Variants in CRTAC1 observed in about 807,000 individuals in gnomAD.
CRTAC1 encodes the protein cartilage acidic protein 1.
Under a neutral mutation model 67.8 loss-of-function variants are expected in CRTAC1, and 37 were observed. The observed-to-expected ratio is 0.55, with a 90% CI of 0.42 to 0.72. The LOEUF (loss-of-function observed/expected upper bound fraction) is 0.72, where lower values mean the gene tolerates loss of function less well. Among genes scored for constraint, CRTAC1 ranks in the 30% least tolerant of loss-of-function variants. The probability of loss-of-function intolerance (pLI) is 0.00; values close to 1 mark genes in which losing one functional copy is unlikely to be tolerated. For synonymous variants in CRTAC1, 348 were observed against 371.0 expected (o/e 0.94, Z 0.71); for missense variants, 780 against 931.6 (o/e 0.84, Z 2.12).
At chr10:98,005,100 A>ATATATATATTTTTTTTTTTTTTTTTTTTT in intron 2 of CRTAC1, among the ~76,000 whole-genome samples, 1 of 48,926 alleles carries the variant, frequency 2.0e-5, no homozygotes, top group African/African-American at 1.2e-4. Context: ...ATATATATAT[A>ATATATATATTTTTTTTTTTTTTTTTTTTT]TTTTTTTTTT....
In CRTAC1 at chr10:97,895,113, C is replaced by A. The variant is rs1564882371; in HGVS notation, c.1486+132G>T. On this transcript the variant is annotated intron_variant, in intron 11 of 14. Coordinates refer to ENST00000370597, the MANE Select transcript of CRTAC1 (RefSeq NM_018058.7). The surrounding 1 kb of genome is among the most constrained non-coding windows in gnomAD (Gnocchi z 4.2). ...AGGCTCATCTCAGAGTAGGGTTTGT[C>A]CCCAGTAGCTGGTGTCCACCATGGC... 11 of 862,796 alleles carry A rather than the reference C, an allele frequency of 1.3e-5. No individual in the cohort carries two copies. The highest frequency in any genetic ancestry group is 1.4e-5 in the Non-Finnish European group (8 of 570,552). The allele number at this position is 862,796 out of a possible 1,614,324, so 53.4% of individuals were successfully genotyped here.
intron 11 of CRTAC1, among the ~76,000 whole-genome samples, chr10:97,885,565 C>T (rs1283997352): frequency 2.6e-5 from 4 of 152,214 alleles, no homozygotes; most frequent in Non-Finnish European, 5.9e-5. Flanking sequence ...TAGGCACTGT[C>T]AAAGCAGGCC....
chr10:97,981,829 A>T (rs1205656881), intron 2 of CRTAC1, among the ~76,000 whole-genome samples: 3 of 152,248 alleles, frequency 2.0e-5, no homozygotes, highest in African/African-American at 7.2e-5. Context: ...TTTTGTTAAT[A>T]AAAACAAGAG....
rs200557763 is a variant in CRTAC1 at position 97,901,504 on chromosome 10, G to A, written c.1132C>T (p.Arg378Cys). 274 of 1,614,098 alleles carry A rather than the reference G, an allele frequency of 1.7e-4. No homozygotes were observed. In the East Asian group the frequency reaches 3.1e-3, roughly 18 times the overall value. The change falls in exon 8 of 15, where the codon CGC (arginine) becomes TGC (cysteine). Residue 378 changes from arginine (R) to cysteine (C), a missense_variant and splice_region_variant. Coordinates refer to ENST00000370597, the MANE Select transcript of CRTAC1 (RefSeq NM_018058.7). Reference protein sequence around the residue: ...YRSSSANRLFRVIRREHGDPL... With the variant: ...YRSSSANRLFCVIRREHGDPL... ...CACGAGCCAGGATGGAGCATCTACC[G>A]GAAGAGGCGGTTGGCTGAGGAGCTG...
intron 2 of CRTAC1, among the ~76,000 whole-genome samples, chr10:97,940,638 G>A (rs565649007): frequency 1.3e-5 from 2 of 152,352 alleles, no homozygotes; most frequent in East Asian, 3.9e-4. Flanking sequence ...GCAGGGGCCT[G>A]GGGTTTGCCG....
intron 2 of CRTAC1, among the ~76,000 whole-genome samples, chr10:97,969,655 G>A (rs1260159994): frequency 2.6e-5 from 4 of 152,284 alleles, no homozygotes; most frequent in Non-Finnish European, 5.9e-5. Flanking sequence ...CAGGAGTGAT[G>A]AGATAGACCA....
chr10:97,876,165 TGAA>T (rs1337932547), intron 14 of CRTAC1, among the ~76,000 whole-genome samples: 1 of 152,132 alleles, frequency 6.6e-6, no homozygotes, highest in Non-Finnish European at 1.5e-5. Flanking sequence ...CCATCCCAAA[TGAA>T]GAAGGGAGTG....
intron 2 of CRTAC1, among the ~76,000 whole-genome samples, chr10:98,002,507 G>C (rs750074894): frequency 9.9e-5 from 15 of 152,078 alleles, no homozygotes; most frequent in Non-Finnish European, 1.8e-4. Flanking sequence ...GTGATTCCCA[G>C]CTGGAAGTGC....
At chr10:97,900,326 C>A (rs528946457) in intron 8 of CRTAC1, among the ~76,000 whole-genome samples, 15 of 152,308 alleles carry the variant, frequency 9.8e-5, no homozygotes, top group African/African-American at 3.1e-4. Context: ...GGAAGAAGTG[C>A]CCTGTGATCT....
At chr10:97,887,227 G>GTTTTTTTTTTTTTTTTTTTT (rs71007369) in intron 11 of CRTAC1, among the ~76,000 whole-genome samples, 2 of 127,960 alleles carry the variant, frequency 1.6e-5, no homozygotes, top group Non-Finnish European at 1.6e-5. Flanking sequence ...CGGCACTTAG[G>GTTTTTTTTTTTTTTTTTTTT]TTTTTTTTTT....
intron 2 of CRTAC1, among the ~76,000 whole-genome samples, chr10:97,997,689 T>C (rs898651645): frequency 7.2e-5 from 11 of 152,228 alleles, no homozygotes; most frequent in African/African-American, 2.6e-4. Flanking sequence ...GGATAAGCAG[T>C]AAGACATTAT....
At position 98,023,959 on chromosome 10, in the gene CRTAC1, C is replaced by G. The variant is rs370017169; in HGVS notation, c.24+6490G>C. On this transcript the variant is annotated intron_variant, in intron 1 of 14. Transcript: ENST00000370597. ...CCAATCCTATAAGAGCGCCTCTGCCCTTCTGGGAGGGGAACTTCCAGCTCC... is the reference window on the plus strand; with the variant it reads ...CCAATCCTATAAGAGCGCCTCTGCCGTTCTGGGAGGGGAACTTCCAGCTCC... Among the ~76,000 whole-genome samples, 12 of 152,374 alleles carry G rather than the reference C, an allele frequency of 7.9e-5. No homozygotes were observed. The East Asian group carries it at 1.2e-3, about 15-fold the overall frequency.
intron 2 of CRTAC1, among the ~76,000 whole-genome samples, chr10:97,953,600 C>T (rs150641565): frequency 1.4e-3 from 211 of 152,260 alleles, no homozygotes; most frequent in African/African-American, 4.9e-3. Context: ...TCGTCATCTG[C>T]GTCTGTAGTT....
chr10:97,997,260 A>G (rs1842599527), intron 2 of CRTAC1, among the ~76,000 whole-genome samples: 2 of 144,120 alleles, frequency 1.4e-5, no homozygotes, highest in African/African-American at 5.1e-5. Context: ...TAATAATAAT[A>G]ATAATAATAA....
chr10:97,895,378 G>A lies in CRTAC1; in HGVS notation c.1353C>T (p.Arg451=), dbSNP rs749311468. ...CCCTGGCAAAGGCCCCAAACCGGGT[G>A]CGTGGCACCACTCGCAGCCAGTTGT... ...FNNNWLRVVP[R]TRFGAFARGA... Residue 451 remains arginine, a synonymous_variant, in exon 11 of 15, where the codon CGC becomes CGT. Coordinates refer to ENST00000370597, the MANE Select transcript of CRTAC1 (RefSeq NM_018058.7). This position sits in a 1 kb window ranked among gnomAD's most constrained non-coding sequence, Gnocchi z 4.2. 2 of 1,612,146 alleles carry A rather than the reference G, an allele frequency of 1.2e-6. No homozygotes were observed. Among genetic ancestry groups the A allele is most frequent in the South Asian group, 1.1e-5 (1 of 90,766 alleles).
chr10:97,996,304 A>G (rs1303595412), intron 2 of CRTAC1, among the ~76,000 whole-genome samples: 1 of 150,704 alleles, frequency 6.6e-6, no homozygotes, highest in Non-Finnish European at 1.5e-5. Flanking sequence ...GCAACCTACA[A>G]AATGGGAGAA....
chr10:98,018,830 C>G (rs778858297), intron 1 of CRTAC1, among the ~76,000 whole-genome samples: 7 of 152,174 alleles, frequency 4.6e-5, no homozygotes, highest in Non-Finnish European at 1.0e-4. Flanking sequence ...CTGCCCCACA[C>G]AGGCTGGGCC....
At chr10:97,957,390 A>T (rs753414213) in intron 2 of CRTAC1, among the ~76,000 whole-genome samples, 4 of 152,158 alleles carry the variant, frequency 2.6e-5, no homozygotes, top group Non-Finnish European at 4.4e-5. Flanking sequence ...CAGTGACAGG[A>T]GCAGCCCCAG....
In CRTAC1 at chr10:97,937,268, C is replaced by T. The variant is rs192893881; in HGVS notation, c.225-902G>A. 1.4e-4 allele frequency among the ~76,000 whole-genome samples: 22 copies of T among 152,238 alleles called. No individual in the cohort carries two copies. In the East Asian group the frequency reaches 4.1e-3, roughly 28 times the overall value. On this transcript the variant is annotated intron_variant, in intron 2 of 14. Transcript: ENST00000370597. ...CTGCCCAGGATGCTGTTCCTCCAGACATCCACACCGCTGGCTCCCTCCTTC... is the reference window on the plus strand; with the variant it reads ...CTGCCCAGGATGCTGTTCCTCCAGATATCCACACCGCTGGCTCCCTCCTTC...
Sources: gnomAD v4.1 joint callset for allele counts (sites outside exome capture counted in the v4.1 genomes callset) on GRCh38, gnomAD v4.1.1 for gene constraint, Gnocchi (gnomAD v3.1) non-coding constraint, MANE v1.5 for transcripts, NCBI Gene and HGNC (gene_info 2026-07-23, HGNC 2026-07-21) for gene names.